Variants in NUDT3 observed in about 807,000 individuals in gnomAD.
NUDT3 encodes the protein nudix hydrolase 3, also known as diphosphoinositol polyphosphate phosphohydrolase 1.
In NUDT3, 9 loss-of-function variants were observed where a neutral mutation model predicts 23.6. The observed-to-expected ratio is 0.38, with a 90% CI of 0.23 to 0.66. NUDT3 has a LOEUF of 0.66. NUDT3 is among the 30% of genes least tolerant of loss of function. The probability of loss-of-function intolerance (pLI) is 0.52; values close to 1 mark genes in which losing one functional copy is unlikely to be tolerated. For synonymous variants in NUDT3, 86 were observed against 82.6 expected (o/e 1.04, Z -0.22); for missense variants, 172 against 218.5 (o/e 0.79, Z 1.34).
chr6:34,351,430 A>G (rs923532328), intron 1 of NUDT3, among the ~76,000 whole-genome samples: 4 of 140,730 alleles, frequency 2.8e-5, no homozygotes, highest in Non-Finnish European at 6.2e-5. Flanking sequence ...ATAAGGCAAG[A>G]CCATGTCTTT....
At chr6:34,309,494 T>C (rs1763737139) in intron 2 of NUDT3, among the ~76,000 whole-genome samples, 1 of 151,620 alleles carries the variant, frequency 6.6e-6, no homozygotes. Flanking sequence ...AAAGAGCAAA[T>C]TAAATCCAAG....
At chr6:34,339,370 G>A (rs762976543) in intron 2 of NUDT3, among the ~76,000 whole-genome samples, 6 of 152,172 alleles carry the variant, frequency 3.9e-5, no homozygotes, top group Non-Finnish European at 8.8e-5. Context: ...ATCCCTCAAA[G>A]AGCATTTCTC....
intron 2 of NUDT3, among the ~76,000 whole-genome samples, chr6:34,333,725 T>TGAC (rs1445880920): frequency 1.3e-5 from 2 of 152,208 alleles, no homozygotes; most frequent in Non-Finnish European, 2.9e-5. Flanking sequence ...TTATAGCACA[T>TGAC]GACTTCACTA....
At chr6:34,345,620 G>T (rs1333746910) in intron 1 of NUDT3, among the ~76,000 whole-genome samples, 11 of 139,726 alleles carry the variant, frequency 7.9e-5, no homozygotes, top group Admixed American at 5.4e-4. Context: ...CCGAGATTGC[G>T]CCACGGCAGT....
At chr6:34,344,844 G>A (rs187192528) in intron 1 of NUDT3, among the ~76,000 whole-genome samples, 111 of 151,814 alleles carry the variant, frequency 7.3e-4, no homozygotes, top group Non-Finnish European at 1.4e-3. Flanking sequence ...GTAGAGATGA[G>A]GTTTCACCGT....
At chr6:34,298,407 A>G (rs980678387) in intron 2 of NUDT3, among the ~76,000 whole-genome samples, 3 of 152,028 alleles carry the variant, frequency 2.0e-5, no homozygotes, top group African/African-American at 7.3e-5. Context: ...TCGTTTAATA[A>G]TAGTAACCTC....
At chr6:34,294,250 T>C (rs1382891215) in intron 3 of NUDT3, among the ~76,000 whole-genome samples, 1 of 152,008 alleles carries the variant, frequency 6.6e-6, no homozygotes, top group Non-Finnish European at 1.5e-5. Context: ...CCTGGGAAAG[T>C]GCTGGGATTA....
chr6:34,329,813 T>C (rs989640990), intron 2 of NUDT3, among the ~76,000 whole-genome samples: 1 of 152,124 alleles, frequency 6.6e-6, no homozygotes, highest in Non-Finnish European at 1.5e-5. Flanking sequence ...CCCCACCCCA[T>C]GGCAGGCCCT....
rs1029740383 is a variant in NUDT3, at chr6:34,288,185, A to G, written c.*568T>C. 2 of 152,200 alleles carry G rather than the reference A, an allele frequency of 1.3e-5. No individual in the cohort carries two copies. Among genetic ancestry groups the G allele is most frequent in the Non-Finnish European group, 2.9e-5 (2 of 68,036 alleles). The allele number at this position is 152,200 out of a possible 1,614,324, so 9.4% of individuals were successfully genotyped here. A position where few individuals can be genotyped will look rare whatever the true frequency, so the allele number is the denominator to read the frequency against. Reference sequence around the variant, plus strand: ...TCAATTCTAGAAATGCCCAAATTAAAAGAGAAAAAAACCTTGAAAAATTAA... The same window carrying G: ...TCAATTCTAGAAATGCCCAAATTAAGAGAGAAAAAAACCTTGAAAAATTAA... On this transcript the variant is annotated 3_prime_UTR_variant, in exon 5 of 5. Coordinates refer to ENST00000607016, the MANE Select transcript of NUDT3 (RefSeq NM_006703.4).
In NUDT3 at chr6:34,279,952, T is replaced by C. The variant is rs1159164921; in HGVS notation, c.*8801A>G. The C allele has an allele frequency of 2.6e-5, 4 of 152,106 alleles. No individual in the cohort carries two copies. Among genetic ancestry groups the C allele is most frequent in the African/African-American group, 4.8e-5 (2 of 41,402 alleles). The allele number at this position is 152,106 out of a possible 1,614,324, so 9.4% of individuals were successfully genotyped here. A position where few individuals can be genotyped will look rare whatever the true frequency, so the allele number is the denominator to read the frequency against. ...CCACATAAGGGATACATTAGTAAAGTAGGGAAAGGGTTATATGTGTGGCTG... is the reference window on the plus strand; with the variant it reads ...CCACATAAGGGATACATTAGTAAAGCAGGGAAAGGGTTATATGTGTGGCTG... On this transcript the variant is annotated 3_prime_UTR_variant, in exon 5 of 5. Transcript: ENST00000607016.
chr6:34,334,846 T>C (rs1454819832), intron 2 of NUDT3, among the ~76,000 whole-genome samples: 1 of 151,344 alleles, frequency 6.6e-6, no homozygotes, highest in Non-Finnish European at 1.5e-5. Context: ...GGAAGGAAGA[T>C]TGCTTGAGCC....
intron 1 of NUDT3, among the ~76,000 whole-genome samples, chr6:34,346,344 T>C (rs1581879829): frequency 6.6e-6 from 1 of 152,314 alleles, no homozygotes; most frequent in East Asian, 1.9e-4. Flanking sequence ...TAACAACACG[T>C]AGTCTTTCTT....
In NUDT3 at chr6:34,357,648, G is replaced by A. The variant is rs1191142063; in HGVS notation, c.100-15676C>T. Among the ~76,000 whole-genome samples, 3 of 151,580 alleles carry A rather than the reference G, an allele frequency of 2.0e-5. No homozygotes were observed. In the East Asian group the frequency reaches 5.8e-4, roughly 29 times the overall value. ...CTGCAAAAAAAAAAAAAAATTTAATGCATTGGTTATTCTTAGCCATTTATA... is the reference window on the plus strand; with the variant it reads ...CTGCAAAAAAAAAAAAAAATTTAATACATTGGTTATTCTTAGCCATTTATA... On this transcript the variant is annotated intron_variant, in intron 1 of 4. Coordinates refer to ENST00000607016, the MANE Select transcript of NUDT3 (RefSeq NM_006703.4).
chr6:34,345,705 T>C (rs1764357947), intron 1 of NUDT3, among the ~76,000 whole-genome samples: 1 of 148,980 alleles, frequency 6.7e-6, no homozygotes, highest in African/African-American at 2.5e-5. Flanking sequence ...GTGCTACTAC[T>C]TTTTTCCCCC....
At chr6:34,367,086 G>A (rs954069591) in intron 1 of NUDT3, among the ~76,000 whole-genome samples, 13 of 152,032 alleles carry the variant, frequency 8.6e-5, no homozygotes, top group Non-Finnish European at 1.8e-4. Context: ...CCAGGATTTT[G>A]CTATGTTGGC....
At chr6:34,356,314 T>G (rs1274257351) in intron 1 of NUDT3, among the ~76,000 whole-genome samples, 6 of 152,226 alleles carry the variant, frequency 3.9e-5, no homozygotes, top group African/African-American at 1.4e-4. Context: ...GATTGCCTTA[T>G]AGTTGTTCAC....
In NUDT3 at chr6:34,280,117, A is replaced by C. The variant is rs1009932220; in HGVS notation, c.*8636T>G. 1 of 152,096 alleles carries C rather than the reference A, an allele frequency of 6.6e-6. No homozygotes were observed. The highest frequency in any genetic ancestry group is 2.4e-5 in the African/African-American group (1 of 41,390). The allele number at this position is 152,096 out of a possible 1,614,324, so 9.4% of individuals were successfully genotyped here. A position where few individuals can be genotyped will look rare whatever the true frequency, so the allele number is the denominator to read the frequency against. On this transcript the variant is annotated 3_prime_UTR_variant, in exon 5 of 5. Transcript: ENST00000607016. Reference sequence around the variant, plus strand: ...ACTGCCAGCCGCACCCATGAGAAGGAGGTGTGAAGGAAGCCTGAGGACATC... The same window carrying C: ...ACTGCCAGCCGCACCCATGAGAAGGCGGTGTGAAGGAAGCCTGAGGACATC...
intron 1 of NUDT3, among the ~76,000 whole-genome samples, chr6:34,383,402 GAGCC>G (rs1765055799): frequency 6.6e-6 from 1 of 151,912 alleles, no homozygotes; most frequent in Non-Finnish European, 1.5e-5. Context: ...TTTCTTTTTG[GAGCC>G]AGGGTCTCTC....
intron 1 of NUDT3, among the ~76,000 whole-genome samples, chr6:34,353,664 A>G (rs1045985592): frequency 2.0e-5 from 3 of 151,834 alleles, no homozygotes; most frequent in Non-Finnish European, 4.4e-5. Flanking sequence ...TTGGCCTCCC[A>G]AAGTGCTAGG....
Sources: allele counts gnomAD v4.1 joint callset (sites outside exome capture counted in the v4.1 genomes callset), GRCh38; gene constraint gnomAD v4.1.1; transcripts MANE v1.5; gene names NCBI Gene and HGNC (gene_info 2026-07-23, HGNC 2026-07-21).